KLHL12: variants seen among roughly 807,000 people sequenced by gnomAD.
The protein encoded by KLHL12 is kelch-like protein 12.
KLHL12 carries 17 observed loss-of-function variants against 60.8 expected under a neutral mutation model. The ratio of observed to expected loss-of-function variants is 0.28; its 90% CI spans 0.19 to 0.42. The LOEUF is 0.42. Among genes scored for constraint, KLHL12 ranks in the 10% least tolerant of loss-of-function variants. The pLI is 1.00. For missense variants in KLHL12, 468 were observed against 722.3 expected (o/e 0.65, Z 4.04); for synonymous variants, 220 against 250.9 (o/e 0.88, Z 1.16).
chr1:202,923,883 A>AAAC (rs1259893382), intron 2 of KLHL12, among the ~76,000 whole-genome samples: 2 of 151,630 alleles, frequency 1.3e-5, no homozygotes, highest in African/African-American at 4.8e-5. Context: ...AAAAACAAAC[A>AAAC]AAAAACTTGT....
Position 202,895,823 on chromosome 1 carries a change from A to G in KLHL12, c.940-106T>C. On this transcript the variant is annotated intron_variant, in intron 7 of 11. Coordinates refer to ENST00000367261, the MANE Select transcript of KLHL12 (RefSeq NM_021633.4). The surrounding 1 kb of genome is among the most constrained non-coding windows in gnomAD (Gnocchi z 4.2). ...TATCTGCACACCTCTCTGCTTCTTC[A>G]CCTGTCATCATGAACCCTCCTTAAG... 1.2e-6 allele frequency: 1 copy of G among 806,084 alleles called. No homozygotes were observed. Among genetic ancestry groups the G allele is most frequent in the Non-Finnish European group, 2.0e-6 (1 of 499,234 alleles). 49.9% of individuals were successfully genotyped at this position (806,084 alleles called of 1,614,324 possible).
intron 4 of KLHL12, among the ~76,000 whole-genome samples, chr1:202,911,563 T>G (rs962448589): frequency 2.0e-5 from 3 of 152,096 alleles, no homozygotes; most frequent in Non-Finnish European, 4.4e-5. Context: ...GCTTCTGGTC[T>G]TCTCTATAAC....
At chr1:202,921,391 T>C (rs1203253117) in intron 2 of KLHL12, among the ~76,000 whole-genome samples, 1 of 151,988 alleles carries the variant, frequency 6.6e-6, no homozygotes, top group East Asian at 1.9e-4. Context: ...GCCAGGCTGG[T>C]CTTGAACTCC....
At chr1:202,918,978 C>T (rs567857025) in intron 3 of KLHL12, among the ~76,000 whole-genome samples, 16 of 152,138 alleles carry the variant, frequency 1.1e-4, no homozygotes, top group Non-Finnish European at 1.6e-4. Flanking sequence ...GGACCAGGAA[C>T]GGTGGCTCGT....
chr1:202,901,678 T>C (rs2102417268), intron 6 of KLHL12, among the ~76,000 whole-genome samples: 1 of 152,226 alleles, frequency 6.6e-6, no homozygotes, highest in South Asian at 2.1e-4. Context: ...TGAAGGACTC[T>C]CTTCATTATT....
At chr1:202,908,983 C>G in intron 6 of KLHL12, 27 bp downstream of exon 6, 1 of 1,400,768 alleles carries the variant, frequency 7.1e-7, no homozygotes, top group East Asian at 2.3e-5. Context: ...AAAAGCATCC[C>G]CTCATTCTGC....
At chr1:202,903,630 T>TTTTTTC (rs1660090089) in intron 6 of KLHL12, among the ~76,000 whole-genome samples, 1 of 46,328 alleles carries the variant, frequency 2.2e-5, no homozygotes, top group South Asian at 8.3e-4. Flanking sequence ...TTTTCTTTTC[T>TTTTTTC]TTTTTTTTTT....
rs1173698273 is a variant in KLHL12, at chr1:202,892,380, G to C, written c.*153C>G. Reference sequence around the variant, plus strand: ...GGAACAAGAACCAGGACGACGGGGAGTATGTGTCAAATAAGTACAATCATC... The same window carrying C: ...GGAACAAGAACCAGGACGACGGGGACTATGTGTCAAATAAGTACAATCATC... On this transcript the variant is annotated 3_prime_UTR_variant, in exon 12 of 12. Coordinates refer to ENST00000367261, the MANE Select transcript of KLHL12 (RefSeq NM_021633.4). 1 of 731,150 alleles carries C rather than the reference G, an allele frequency of 1.4e-6. No homozygotes were observed. Among genetic ancestry groups the C allele is most frequent in the African/African-American group, 1.8e-5 (1 of 55,630 alleles). The allele number at this position is 731,150 out of a possible 1,614,324, so 45.3% of individuals were successfully genotyped here.
intron 6 of KLHL12, among the ~76,000 whole-genome samples, chr1:202,897,964 G>T (rs1372850069): frequency 1.3e-5 from 2 of 152,154 alleles, no homozygotes; most frequent in Non-Finnish European, 2.9e-5. Flanking sequence ...GGCAACAAAA[G>T]ACTAGAGTTT....
In KLHL12 at chr1:202,893,085, T is replaced by TA. The variant is rs1438970731; in HGVS notation, c.1580+153dup. 6.9e-6 allele frequency among the ~76,000 whole-genome samples: 1 copy of TA among 144,040 alleles called. No homozygotes were observed. Among genetic ancestry groups the TA allele is most frequent in the East Asian group, 2.5e-4 (1 of 4,050 alleles). The allele number at this position is 144,040 out of a possible 152,430, so 94.5% of individuals were successfully genotyped here. On this transcript the variant is annotated intron_variant, in intron 11 of 11. Transcript: ENST00000367261. The surrounding 1 kb of genome is among the most constrained non-coding windows in gnomAD (Gnocchi z 4.1). ...GGGTGACAGAGCAATACTCTGTCTC[T>TA]AAAAAATAAAAAAAATCTAATAAAA...
In KLHL12 at chr1:202,909,240, C is replaced by T. The variant is rs1052776762; in HGVS notation, c.718-116G>A. The T allele has an allele frequency of 6.3e-6, 4 of 631,250 alleles. No homozygotes were observed. The highest frequency in any genetic ancestry group is 1.1e-5 in the Non-Finnish European group (4 of 356,006). The allele number at this position is 631,250 out of a possible 1,614,324, so 39.1% of individuals were successfully genotyped here. A position where few individuals can be genotyped will look rare whatever the true frequency, so the allele number is the denominator to read the frequency against. On this transcript the variant is annotated intron_variant, in intron 5 of 11. Coordinates refer to ENST00000367261, the MANE Select transcript of KLHL12 (RefSeq NM_021633.4). The surrounding 1 kb of genome is among the most constrained non-coding windows in gnomAD (Gnocchi z 4.1). The stretch of plus-strand genomic sequence containing the variant: ...CTACAGAAAACCAGTTTGCAAAGCC[C>T]TGTGATTCCAGGAGTATTGCTGGTA...
At chr1:202,914,622 C>T (rs1249784354) in intron 4 of KLHL12, among the ~76,000 whole-genome samples, 2 of 152,040 alleles carry the variant, frequency 1.3e-5, no homozygotes, top group Non-Finnish European at 2.9e-5. Context: ...AATCTCAGCA[C>T]TTTGGGAGGC....
intron 2 of KLHL12, among the ~76,000 whole-genome samples, chr1:202,924,246 C>T (rs1653398608): frequency 6.6e-6 from 1 of 152,202 alleles, no homozygotes; most frequent in African/African-American, 2.4e-5. Context: ...TTGTTAAGTG[C>T]TTATGAGTTA....
At chr1:202,926,931 G>A (rs1356807568) in intron 1 of KLHL12, among the ~76,000 whole-genome samples, 158 bp downstream of exon 1, 1 of 152,188 alleles carries the variant, frequency 6.6e-6, no homozygotes, top group Admixed American at 6.5e-5. Flanking sequence ...GAGGGTGACC[G>A]AGGCCAGATG....
intron 1 of KLHL12, among the ~76,000 whole-genome samples, chr1:202,926,123 A>G (rs1233003618): frequency 6.6e-5 from 10 of 150,578 alleles, no homozygotes; most frequent in Admixed American, 6.6e-4. Context: ...AAAAAAAAAA[A>G]GAAACTTCAA....
At chr1:202,912,745 CT>C in intron 4 of KLHL12, 1 of 1,389,456 alleles carries the variant, frequency 7.2e-7, no homozygotes, top group Non-Finnish European at 1.0e-6. Flanking sequence ...GGAAACAAAG[CT>C]TAGCTGGAGA....
intron 6 of KLHL12, among the ~76,000 whole-genome samples, chr1:202,908,076 A>T (rs1660249676): frequency 1.3e-5 from 2 of 152,244 alleles, no homozygotes; most frequent in African/African-American, 4.8e-5. Context: ...TTCATAACTT[A>T]TAAAATGTTT....
chr1:202,928,253 C>G (rs1276032943), upstream of KLHL12, among the ~76,000 whole-genome samples: 2 of 131,860 alleles, frequency 1.5e-5, no homozygotes, highest in African/African-American at 5.7e-5. Context: ...CCAGCCTGGG[C>G]GACAGAGCAA....
At chr1:202,922,287 G>GC (rs1427822499) in intron 2 of KLHL12, among the ~76,000 whole-genome samples, 2 of 151,536 alleles carry the variant, frequency 1.3e-5, no homozygotes, top group Admixed American at 6.6e-5. Context: ...GATAAAGGGG[G>GC]GCCGGGCACA....
Sources: allele counts gnomAD v4.1 joint callset (sites outside exome capture counted in the v4.1 genomes callset), GRCh38; gene constraint gnomAD v4.1.1; non-coding constraint Gnocchi (gnomAD v3.1); transcripts MANE v1.5; gene names NCBI Gene and HGNC (gene_info 2026-07-23, HGNC 2026-07-21).